SOX5: variants seen among roughly 807,000 people sequenced by gnomAD.
SOX5 encodes transcription factor SOX-5.
In SOX5, 9 loss-of-function variants were observed where a neutral mutation model predicts 92.0. The ratio of observed to expected loss-of-function variants is 0.10; its 90% CI spans 0.06 to 0.17. The LOEUF is 0.17. Ranked by LOEUF, SOX5 falls within the 10% of genes least tolerant of loss-of-function variation. The pLI is 1.00. For synonymous variants in SOX5, 344 were observed against 336.3 expected (o/e 1.02, Z -0.25); for missense variants, 642 against 944.5 (o/e 0.68, Z 4.20).
intron 4 of SOX5, among the ~76,000 whole-genome samples, chr12:24,091,712 A>G (rs1441560525): frequency 6.6e-6 from 1 of 152,166 alleles, no homozygotes; most frequent in Non-Finnish European, 1.5e-5. Context: ...TCATGCTAGG[A>G]TTGAAAATAT....
intron 7 of SOX5, 21 bp downstream of exon 7, chr12:23,665,423 T>A: frequency 6.2e-7 from 1 of 1,612,800 alleles, no homozygotes; most frequent in Non-Finnish European, 8.5e-7. Flanking sequence ...CACTCCCAGA[T>A]GAAAAATCAA....
At chr12:24,409,041 C>A (rs1193408195) in intron 1 of SOX5, among the ~76,000 whole-genome samples, 2 of 152,170 alleles carry the variant, frequency 1.3e-5, no homozygotes, top group Non-Finnish European at 2.9e-5. Context: ...TTTGTTGCAG[C>A]ACTATTTACA....
chr12:24,246,471 C>T (rs1469513329), intron 3 of SOX5, among the ~76,000 whole-genome samples: 1 of 151,880 alleles, frequency 6.6e-6, no homozygotes, highest in Non-Finnish European at 1.5e-5. Flanking sequence ...AGACTAAGAG[C>T]CAGGAATACA....
intron 6 of SOX5, among the ~76,000 whole-genome samples, chr12:23,707,462 T>C (rs2091532541): frequency 6.6e-6 from 1 of 152,134 alleles, no homozygotes; most frequent in South Asian, 2.1e-4. Context: ...GGCATTCACT[T>C]GGCTTCAAAA....
At chr12:24,039,970 C>T (rs1300039630) in intron 4 of SOX5, among the ~76,000 whole-genome samples, 1 of 151,944 alleles carries the variant, frequency 6.6e-6, no homozygotes, top group East Asian at 1.9e-4. Flanking sequence ...ATTATGGAAA[C>T]CAGGTATACA....
chr12:23,549,295 A>G (rs1336146197), intron 11 of SOX5, among the ~76,000 whole-genome samples: 1 of 151,954 alleles, frequency 6.6e-6, no homozygotes, highest in Non-Finnish European at 1.5e-5. Context: ...AAAACAAATA[A>G]ATGTTGATGG....
intron 6 of SOX5, among the ~76,000 whole-genome samples, chr12:23,677,601 A>C (rs2085917730): frequency 6.6e-6 from 1 of 152,204 alleles, no homozygotes; most frequent in Non-Finnish European, 1.5e-5. Context: ...TTTTTATTAA[A>C]AATTCAAATC....
chr12:24,252,367 G>A (rs566532773), intron 3 of SOX5, among the ~76,000 whole-genome samples: 21 of 152,168 alleles, frequency 1.4e-4, no homozygotes, highest in African/African-American at 3.4e-4. Context: ...ACCTGCCTTC[G>A]TTTTTACATA....
At position 23,860,154 on chromosome 12, in the gene SOX5, CGGT is replaced by C. The variant is rs559730049; in HGVS notation, c.271-13964_271-13962del. Among the ~76,000 whole-genome samples the C allele has an allele frequency of 7.5e-4, 114 of 151,848 alleles. 1 individual carries two copies. Among genetic ancestry groups the C allele is most frequent in the South Asian group, 6.3e-3 (30 of 4,794 alleles). Reference sequence around the variant, plus strand: ...ACACTGAGGTCTTCTTGGGGGGAAACGGTGGGAGGAGGGAGAGGAGCAGAAAAG... The same window carrying C: ...ACACTGAGGTCTTCTTGGGGGGAAACGGGAGGAGGGAGAGGAGCAGAAAAG... On this transcript the variant is annotated intron_variant, in intron 2 of 14. Coordinates refer to ENST00000451604, the MANE Select transcript of SOX5 (RefSeq NM_006940.6).
At chr12:23,575,909 A>ACCTG in intron 9 of SOX5, 71 bp from the exon 10 acceptor site, 1 of 1,150,360 alleles carries the variant, frequency 8.7e-7, no homozygotes, top group Non-Finnish European at 1.2e-6. Flanking sequence ...AAACACAGGT[A>ACCTG]TGCAGCCTGT....
intron 4 of SOX5, among the ~76,000 whole-genome samples, chr12:23,976,761 C>G (rs2140209165): frequency 6.6e-6 from 1 of 151,964 alleles, no homozygotes; most frequent in South Asian, 2.1e-4. Flanking sequence ...TGATAACTCC[C>G]CTTTCAGTGA....
chr12:24,486,746 TC>T (rs1423188864), intron 1 of SOX5, among the ~76,000 whole-genome samples: 1 of 152,214 alleles, frequency 6.6e-6, no homozygotes, highest in Non-Finnish European at 1.5e-5. Flanking sequence ...TGACCCAACA[TC>T]ATTCTAGTTT....
At chr12:23,997,674 C>T (rs539623639) in intron 4 of SOX5, among the ~76,000 whole-genome samples, 2 of 152,252 alleles carry the variant, frequency 1.3e-5, no homozygotes, top group African/African-American at 4.8e-5. Flanking sequence ...CAATGTGTTT[C>T]TCAATGAAAC....
chr12:24,065,773 C>T (rs1940634808), intron 4 of SOX5, among the ~76,000 whole-genome samples: 1 of 151,990 alleles, frequency 6.6e-6, no homozygotes, highest in Non-Finnish European at 1.5e-5. Flanking sequence ...CAACCAGGAA[C>T]TTCTTCACTT....
In SOX5 at chr12:23,846,094, A is replaced by C. The variant is rs2096571882; in HGVS notation, c.370T>G (p.Leu124Val). Residue 124 changes from leucine (L) to valine (V), a missense_variant, in exon 3 of 15, where the codon TTG becomes GTG. By Grantham distance (32) the Leu-to-Val change is conservative. Around this residue, in one of 8 missense-constraint regions of SOX5, gnomAD observed 29 missense variants for 47.4 expected, o/e 0.61. Coordinates refer to ENST00000451604, the MANE Select transcript of SOX5 (RefSeq NM_006940.6). ...GGAGTTCCCAGGGCTGTACTAGACAAGGACTCGCCACTCTGTCGCCCACCT... is the reference window on the plus strand; with the variant it reads ...GGAGTTCCCAGGGCTGTACTAGACACGGACTCGCCACTCTGTCGCCCACCT... ...EEGGRQSGES[L>V]SSTALGTPER... 2 of 1,614,094 alleles carry C rather than the reference A, an allele frequency of 1.2e-6. No homozygotes were observed. Among genetic ancestry groups the C allele is most frequent in the Admixed American group, 1.7e-5 (1 of 60,000 alleles).
At chr12:23,574,430 G>A (rs145042074) in intron 10 of SOX5, among the ~76,000 whole-genome samples, 1 of 152,182 alleles carries the variant, frequency 6.6e-6, no homozygotes, top group Non-Finnish European at 1.5e-5. Context: ...ATTGTTAATA[G>A]AGGCATAATA....
At chr12:24,369,098 G>A (rs1956461824) in intron 1 of SOX5, among the ~76,000 whole-genome samples, 1 of 152,160 alleles carries the variant, frequency 6.6e-6, no homozygotes, top group Non-Finnish European at 1.5e-5. Flanking sequence ...ACAACGCCTA[G>A]CATGCTGTCT....
At chr12:23,573,702 G>A (rs1948715013) in intron 10 of SOX5, among the ~76,000 whole-genome samples, 1 of 152,098 alleles carries the variant, frequency 6.6e-6, no homozygotes, top group East Asian at 1.9e-4. Context: ...TCTCTTATAA[G>A]AAACAGAATA....
intron 3 of SOX5, among the ~76,000 whole-genome samples, chr12:23,829,758 C>T (rs571594128): frequency 1.3e-5 from 2 of 152,096 alleles, no homozygotes; most frequent in African/African-American, 4.8e-5. Flanking sequence ...CAAATAGATT[C>T]TTTTTTTATT....
Sources: allele counts gnomAD v4.1 joint callset (sites outside exome capture counted in the v4.1 genomes callset), GRCh38; gene constraint gnomAD v4.1.1; regional missense constraint gnomAD v4.1.1; transcripts MANE v1.5; gene names NCBI Gene and HGNC (gene_info 2026-07-23, HGNC 2026-07-21).